SLC25A48: variants seen among roughly 807,000 people sequenced by gnomAD.
The protein encoded by SLC25A48 is CTC-321K16.1.
Under a neutral mutation model 32.2 loss-of-function variants are expected in SLC25A48, and 29 were observed. The observed-to-expected ratio is 0.90, with a 90% CI of 0.67 to 1.23. The LOEUF (loss-of-function observed/expected upper bound fraction) is 1.23. Ranked by LOEUF, SLC25A48 falls within the 50% of genes most tolerant of loss-of-function variation. The pLI is 0.00. For synonymous variants in SLC25A48, 164 were observed against 172.3 expected, an observed-to-expected ratio of 0.95 and a Z score of 0.38; for missense variants, 399 against 422.7, an observed-to-expected ratio of 0.94 and a Z score of 0.49.
At chr5:135,848,625 T>C (rs1313423978) in intron 2 of SLC25A48, among the ~76,000 whole-genome samples, 2 of 152,214 alleles carry the variant, frequency 1.3e-5, no homozygotes, top group African/African-American at 4.8e-5. Context: ...GAATTATTTT[T>C]TATTGACCAT....
rs57138043 is a variant in SLC25A48, at chr5:135,611,496, C to CAAAAAAAAAAAAAAAAAAAAAAAAAA, written c.-848-17735_-848-17710dup. The stretch of plus-strand genomic sequence containing the variant: ...TCGGTGACAGAGCGAGACTCCATCT[C>CAAAAAAAAAAAAAAAAAAAAAAAAAA]AAAAAAAAAAAAAAAAAAAAAAAAA... On this transcript the variant is annotated intron_variant, in intron 1 of 10. Coordinates refer to the SLC25A48 transcript ENST00000646290. 1.1e-3 allele frequency among the ~76,000 whole-genome samples: 24 copies of CAAAAAAAAAAAAAAAAAAAAAAAAAA among 21,342 alleles called. 1 individual carries two copies. Among genetic ancestry groups the CAAAAAAAAAAAAAAAAAAAAAAAAAA allele is most frequent in the African/African-American group, 1.4e-3 (9 of 6,426 alleles). 14.0% of individuals were successfully genotyped at this position (21,342 alleles called of 152,430 possible). A position where few individuals can be genotyped will look rare whatever the true frequency, so the allele number is the denominator to read the frequency against.
At chr5:135,875,934 G>A (rs1581053563) in intron 6 of SLC25A48, 1 of 152,246 alleles carries the variant, frequency 6.6e-6, no homozygotes, top group South Asian at 2.1e-4. Context: ...GCTGGACCCT[G>A]GTTAGTATAA....
intron 1 of SLC25A48, among the ~76,000 whole-genome samples, chr5:135,620,590 G>A (rs1262220631): frequency 6.6e-6 from 1 of 152,112 alleles, no homozygotes; most frequent in East Asian, 1.9e-4. Flanking sequence ...GCAGGCAGGG[G>A]AATTTGTCCT....
chr5:135,862,147 T>C (rs1760848183), intron 4 of SLC25A48, among the ~76,000 whole-genome samples: 1 of 152,232 alleles, frequency 6.6e-6, no homozygotes, highest in Admixed American at 6.5e-5. Flanking sequence ...AGGTGGCCTG[T>C]TGAGCCTGAG....
intron 2 of SLC25A48, among the ~76,000 whole-genome samples, chr5:135,633,956 G>C (rs1307460039): frequency 1.3e-5 from 2 of 152,108 alleles, no homozygotes; most frequent in Non-Finnish European, 2.9e-5. Context: ...AATTCTCTCA[G>C]TATCAGGGAG....
At chr5:135,619,148 A>G (rs1422282917) in intron 1 of SLC25A48, among the ~76,000 whole-genome samples, 1 of 151,982 alleles carries the variant, frequency 6.6e-6, no homozygotes, top group South Asian at 2.1e-4. Context: ...TGGTCACTTT[A>G]TGATGTTTTA....
chr5:135,588,582 G>A lies in SLC25A48; in HGVS notation c.-849+8985G>A, dbSNP rs116215021. Among the ~76,000 whole-genome samples, 1,479 of 152,342 alleles carry A rather than the reference G, an allele frequency of 9.7e-3. 15 individuals carry two copies. The highest frequency in any genetic ancestry group is 0.034 in the African/African-American group (1,407 of 41,580). On this transcript the variant is annotated intron_variant, in intron 1 of 10. Transcript: ENST00000646290. ...CGGATGCGAGGATTCCAGATGGGGGGCTGTAAGGCAGTCCCATCCAGGTTG... is the reference window on the plus strand; with the variant it reads ...CGGATGCGAGGATTCCAGATGGGGGACTGTAAGGCAGTCCCATCCAGGTTG...
intron 1 of SLC25A48, among the ~76,000 whole-genome samples, chr5:135,590,479 C>A (rs1313295570): frequency 6.6e-6 from 1 of 152,194 alleles, no homozygotes; most frequent in Middle Eastern, 3.2e-3. Context: ...GCTTGGAGCC[C>A]CCAAGAATGC....
chr5:135,583,420 G>A (rs533167687), intron 1 of SLC25A48, among the ~76,000 whole-genome samples: 1 of 152,030 alleles, frequency 6.6e-6, no homozygotes, highest in East Asian at 1.9e-4. Context: ...CTGGGAGCTG[G>A]GATCCAGGGC....
At chr5:135,886,723 C>A (rs187526013) in intron 7 of SLC25A48, among the ~76,000 whole-genome samples, 1 of 135,298 alleles carries the variant, frequency 7.4e-6, no homozygotes, top group Admixed American at 7.7e-5. Flanking sequence ...TGTGTGTAGT[C>A]TGACTGTGGC....
intron 1 of SLC25A48, among the ~76,000 whole-genome samples, chr5:135,592,013 T>C (rs1421942083): frequency 1.3e-5 from 2 of 152,088 alleles, no homozygotes; most frequent in Non-Finnish European, 2.9e-5. Context: ...GAAAGGCCTT[T>C]GAGAACCACA....
chr5:135,806,389 C>T (rs1340851830), intron 3 of SLC25A48, among the ~76,000 whole-genome samples: 1 of 150,956 alleles, frequency 6.6e-6, no homozygotes, highest in Non-Finnish European at 1.5e-5. Flanking sequence ...TGTGTTAATA[C>T]TGAGTATTAA....
chr5:135,797,542 C>G (rs1269617058), intron 3 of SLC25A48, among the ~76,000 whole-genome samples: 1 of 151,858 alleles, frequency 6.6e-6, no homozygotes, highest in Admixed American at 6.6e-5. Flanking sequence ...AATAATATTA[C>G]TTTCAATATT....
intron 1 of SLC25A48, among the ~76,000 whole-genome samples, chr5:135,621,558 A>G (rs1275637157): frequency 6.6e-6 from 1 of 152,222 alleles, no homozygotes; most frequent in East Asian, 1.9e-4. Flanking sequence ...ATTGAAAGAC[A>G]AATCAATGGA....
intron 1 of SLC25A48, among the ~76,000 whole-genome samples, chr5:135,610,670 A>G (rs1398366096): frequency 6.6e-6 from 1 of 152,142 alleles, no homozygotes; most frequent in Non-Finnish European, 1.5e-5. Flanking sequence ...CTGTTGTTGA[A>G]CTTCCAAAAG....
At chr5:135,855,586 A>C (rs562043555) in intron 4 of SLC25A48, among the ~76,000 whole-genome samples, 1 of 152,234 alleles carries the variant, frequency 6.6e-6, no homozygotes, top group Non-Finnish European at 1.5e-5. Flanking sequence ...AGGTTTCTGC[A>C]GGCAAATATT....
chr5:135,755,035 G>A (rs142373768), intron 3 of SLC25A48, among the ~76,000 whole-genome samples: 58 of 151,514 alleles, frequency 3.8e-4, no homozygotes, highest in Admixed American at 1.1e-3. Context: ...AATATCCAGT[G>A]TTTACACACT....
chr5:135,805,702 C>T (rs926510344), intron 3 of SLC25A48, among the ~76,000 whole-genome samples: 1 of 151,428 alleles, frequency 6.6e-6, no homozygotes, highest in African/African-American at 2.4e-5. Flanking sequence ...GGGGATATTA[C>T]TTCTAATATC....
At chr5:135,676,900 G>A (rs76669843) in intron 3 of SLC25A48, among the ~76,000 whole-genome samples, 154 of 152,056 alleles carry the variant, frequency 1.0e-3, no homozygotes, top group African/African-American at 3.2e-3. Context: ...AGAATGTTCC[G>A]TGTGCTAATG....
Sources: gnomAD v4.1 joint callset for allele counts (sites outside exome capture counted in the v4.1 genomes callset) on GRCh38, gnomAD v4.1.1 for gene constraint, MANE v1.5 for transcripts, NCBI Gene and HGNC (gene_info 2026-07-23, HGNC 2026-07-21) for gene names.